The following PTPRD variants were observed in gnomAD, a reference collection of about 807,000 sequenced individuals.
The protein encoded by PTPRD is receptor-type tyrosine-protein phosphatase delta.
A neutral mutation model predicts 214.5 loss-of-function variants in PTPRD; 34 were observed. That is an observed-to-expected ratio of 0.16 (90% CI 0.12 to 0.21). The LOEUF (loss-of-function observed/expected upper bound fraction) is 0.21, where lower values mean the gene tolerates loss of function less well. Among genes scored for constraint, PTPRD ranks in the 10% least tolerant of loss-of-function variants. The probability of loss-of-function intolerance (pLI) is 1.00; values close to 1 mark genes in which losing one functional copy is unlikely to be tolerated. For missense variants in PTPRD, 2,545 were observed against 2,398.7 expected, an observed-to-expected ratio of 1.06 and a Z score of -1.27; for synonymous variants, 1,128 against 845.7, an observed-to-expected ratio of 1.33 and a Z score of -5.79.
At chr9:10,541,508 AGTGT>A (rs538973684) in intron 2 of PTPRD, among the ~76,000 whole-genome samples, 262 of 152,100 alleles carry the variant, frequency 1.7e-3, no homozygotes, top group Middle Eastern at 3.4e-3. Flanking sequence ...TTATGCAGTG[AGTGT>A]ATTTTCCGAT....
intron 6 of PTPRD, among the ~76,000 whole-genome samples, chr9:9,737,683 T>C (rs940710130): frequency 5.9e-5 from 9 of 152,346 alleles, no homozygotes; most frequent in South Asian, 2.1e-4. Context: ...TTATTCCTTA[T>C]GTTGCTAAAA....
intron 2 of PTPRD, among the ~76,000 whole-genome samples, chr9:10,406,165 A>G (rs1183759311): frequency 6.6e-6 from 1 of 151,410 alleles, no homozygotes; most frequent in Non-Finnish European, 1.5e-5. Context: ...TCTAGCTGAG[A>G]AATATTGAAT....
intron 3 of PTPRD, among the ~76,000 whole-genome samples, chr9:10,209,871 C>T (rs2099507629): frequency 6.6e-6 from 1 of 151,998 alleles, no homozygotes; most frequent in African/African-American, 2.4e-5. Flanking sequence ...TATATGAGAA[C>T]ATTAAAGGCC....
At chr9:10,120,171 A>C (rs749692496) in intron 3 of PTPRD, among the ~76,000 whole-genome samples, 9 of 152,012 alleles carry the variant, frequency 5.9e-5, no homozygotes, top group Non-Finnish European at 7.4e-5. Flanking sequence ...GTATAATTAC[A>C]TTTTCTGTAT....
chr9:9,583,436 T>A (rs2091274993), intron 7 of PTPRD, among the ~76,000 whole-genome samples: 1 of 152,028 alleles, frequency 6.6e-6, no homozygotes. Flanking sequence ...TATAAATGGG[T>A]GCATTCCAAA....
chr9:9,970,549 T>C (rs2095036951), intron 4 of PTPRD, among the ~76,000 whole-genome samples: 1 of 151,992 alleles, frequency 6.6e-6, no homozygotes, highest in African/African-American at 2.4e-5. Flanking sequence ...GGTATGTACC[T>C]AGTAGGAAAA....
chr9:9,653,394 A>G (rs1173931809), intron 7 of PTPRD, among the ~76,000 whole-genome samples: 3 of 137,190 alleles, frequency 2.2e-5, no homozygotes, highest in African/African-American at 8.1e-5. Context: ...AAAGTGCCTC[A>G]TTCTCATTTT....
At chr9:8,568,329 C>G (rs2090046739) in intron 14 of PTPRD, among the ~76,000 whole-genome samples, 1 of 152,098 alleles carries the variant, frequency 6.6e-6, no homozygotes, top group Non-Finnish European at 1.5e-5. Flanking sequence ...CTCCCTCCCT[C>G]CCTCTCTACT....
chr9:9,804,928 G>A (rs1386827305), intron 5 of PTPRD, among the ~76,000 whole-genome samples: 1 of 151,814 alleles, frequency 6.6e-6, no homozygotes, highest in Non-Finnish European at 1.5e-5. Context: ...TTCTAAAGGT[G>A]AAAATGTGAT....
intron 11 of PTPRD, among the ~76,000 whole-genome samples, chr9:8,921,748 C>T (rs2098829462): frequency 6.6e-6 from 1 of 152,168 alleles, no homozygotes. Context: ...CCCACCTTGA[C>T]CTCCCAAAGT....
chr9:8,700,066 A>C (rs1161311153), intron 12 of PTPRD, among the ~76,000 whole-genome samples: 1 of 152,122 alleles, frequency 6.6e-6, no homozygotes, highest in Non-Finnish European at 1.5e-5. Context: ...AACTGCCAGT[A>C]ATCAATGGTT....
chr9:8,527,249 G>C (rs1592809343), intron 16 of PTPRD, 96 bp downstream of exon 16: 3 of 1,314,992 alleles, frequency 2.3e-6, no homozygotes, highest in East Asian at 4.8e-5. Context: ...CTGACAGTTA[G>C]TAAAATGCAT....
chr9:10,508,018 C>G (rs2046622493), intron 2 of PTPRD, among the ~76,000 whole-genome samples: 2 of 152,214 alleles, frequency 1.3e-5, no homozygotes, highest in South Asian at 4.1e-4. Context: ...AGGCAACCTA[C>G]AGAATGGGAG....
At chr9:10,285,345 T>G (rs1402297050) in intron 3 of PTPRD, among the ~76,000 whole-genome samples, 1 of 152,210 alleles carries the variant, frequency 6.6e-6, no homozygotes, top group East Asian at 1.9e-4. Context: ...TTTTATGTTA[T>G]GAACTTTAAA....
chr9:10,140,375 G>C (rs1005765697), intron 3 of PTPRD, among the ~76,000 whole-genome samples: 1 of 151,594 alleles, frequency 6.6e-6, no homozygotes, highest in Non-Finnish European at 1.5e-5. Context: ...GAAAAAAAGA[G>C]AGAAGAATCA....
intron 3 of PTPRD, among the ~76,000 whole-genome samples, chr9:10,278,300 T>A (rs1276693773): frequency 6.6e-6 from 1 of 152,210 alleles, no homozygotes; most frequent in Admixed American, 6.5e-5. Context: ...TAGTATAGGG[T>A]AGACATATGA....
At chr9:9,710,826 T>G (rs7863737) in intron 7 of PTPRD, among the ~76,000 whole-genome samples, 53,336 of 151,982 alleles carry the variant, frequency 0.35, 9,619 homozygotes, top group Admixed American at 0.47. Flanking sequence ...ATAATGTTAT[T>G]TCATTCAATA....
At chr9:10,539,562 T>C (rs1219047844) in intron 2 of PTPRD, among the ~76,000 whole-genome samples, 2 of 152,032 alleles carry the variant, frequency 1.3e-5, no homozygotes, top group Non-Finnish European at 2.9e-5. Context: ...CAACAGTCCT[T>C]TCACCCTTCT....
At chr9:8,770,549 A>G (rs2095128159) in intron 11 of PTPRD, among the ~76,000 whole-genome samples, 1 of 152,178 alleles carries the variant, frequency 6.6e-6, no homozygotes, top group Non-Finnish European at 1.5e-5. Context: ...GGTGTAGTCA[A>G]TCCCTCTAGG....
Sources: allele counts gnomAD v4.1 joint callset (sites outside exome capture counted in the v4.1 genomes callset), GRCh38; gene constraint gnomAD v4.1.1; transcripts MANE v1.5; gene names NCBI Gene and HGNC (gene_info 2026-07-23, HGNC 2026-07-21).